Variants in CPSF1 observed in about 807,000 individuals in gnomAD.
CPSF1 encodes cleavage and polyadenylation specificity factor subunit 1.
Under a neutral mutation model 175.8 loss-of-function variants are expected in CPSF1, and 106 were observed. The observed-to-expected ratio is 0.60, with a 90% CI of 0.52 to 0.71. CPSF1 has a LOEUF of 0.71. CPSF1 is among the 30% of genes least tolerant of loss of function. CPSF1 has a pLI of 0.00. For synonymous variants in CPSF1, 1,024 were observed against 858.3 expected (o/e 1.19, Z -3.37); for missense variants, 1,734 against 2,022.9 (o/e 0.86, Z 2.74).
chr8:144,400,510 G>A lies in CPSF1; in HGVS notation c.687-17C>T, dbSNP rs2116875823. The A allele has an allele frequency of 1.2e-6, 2 of 1,611,828 alleles. No individual in the cohort carries two copies. Among genetic ancestry groups the A allele is most frequent in the South Asian group, 1.1e-5 (1 of 91,064 alleles). On this transcript the variant is annotated splice_polypyrimidine_tract_variant and intron_variant, in intron 7 of 37. Transcript: ENST00000616140. ...GCCACGCGCCTGGGGACGCCAGTGG[G>A]TCAGCCAAGGGCCTTGCCTCCCCGC...
Position 144,398,014 on chromosome 8 carries a change from C to T in CPSF1, c.2013G>A (p.Lys671=). 2 of 1,612,232 alleles carry T rather than the reference C, an allele frequency of 1.2e-6. No individual in the cohort carries two copies. The highest frequency in any genetic ancestry group is 1.7e-6 in the Non-Finnish European group (2 of 1,179,738). Reference sequence around the variant, plus strand: ...GGTGGCGGCCACCGTAGGAGTCACTCTTCAGCAGGAACATGGTGACGTGGC... The same window carrying T: ...GGTGGCGGCCACCGTAGGAGTCACTTTTCAGCAGGAACATGGTGACGTGGC... ...AEGHVTMFLL[K]SDSYGGRHHR... The change falls in exon 20 of 38, where the codon AAG becomes AAA. Residue 671 remains lysine (K), a synonymous_variant. Coordinates refer to ENST00000616140, the MANE Select transcript of CPSF1 (RefSeq NM_013291.3).
chr8:144,395,192 C>A lies in CPSF1; in HGVS notation c.3188-10G>T. 1 of 1,612,742 alleles carries A rather than the reference C, an allele frequency of 6.2e-7. No homozygotes were observed. On this transcript the variant is annotated splice_polypyrimidine_tract_variant and intron_variant, in intron 28 of 37. Transcript: ENST00000616140. Reference sequence around the variant, plus strand: ...TGGATGTACCGCTCATCTGTGGGGACCAAGGGTGACAGTCAGAGTAGGGCT... The same window carrying A: ...TGGATGTACCGCTCATCTGTGGGGAACAAGGGTGACAGTCAGAGTAGGGCT...
Position 144,393,984 on chromosome 8 carries a change from C to G in CPSF1, c.3914G>C (p.Gly1305Ala). Residue 1305 changes from glycine (G) to alanine (A), a missense_variant, in exon 35 of 38, where the codon GGT (glycine) becomes GCT (alanine). By Grantham distance (60) the Gly-to-Ala change is moderately conservative (BLOSUM62 0). Transcript: ENST00000616140. The stretch of plus-strand genomic sequence containing the variant: ...CCTCCAGAACGTGTTCACGTGGGCA[C>G]CCACGTGGAAGTCTGCCCGACGCAG... ...RLLRRADFHV[G>A]AHVNTFWRTP... 1 of 1,613,542 alleles carries G rather than the reference C, an allele frequency of 6.2e-7. No homozygotes were observed. The highest frequency in any genetic ancestry group is 1.3e-5 in the African/African-American group (1 of 75,058).
In CPSF1 at chr8:144,396,490, C is replaced by G; in HGVS notation, c.2837G>C (p.Cys946Ser). ...CAAGAGCCAGTGAGGGGAGGGGCCG[C>G]AGATGAAGACCTGGGGGCAGGCACC... Reference protein sequence around the residue: ...DIYGYSGVFICGPSPHWLLVT... With the variant: ...DIYGYSGVFISGPSPHWLLVT... Residue 946 changes from cysteine to serine, a missense_variant, in exon 26 of 38, where the codon TGC (cysteine) becomes TCC (serine). This residue lies in a region of CPSF1 where 585 missense variants were observed against 584.7 expected (regional missense o/e 1.00). Transcript: ENST00000616140. 6.2e-7 allele frequency: 1 copy of G among 1,610,560 alleles called. No individual in the cohort carries two copies.
In CPSF1 at chr8:144,393,789, C is replaced by T; in HGVS notation, c.4023G>A (p.Leu1341=). 6.3e-7 allele frequency: 1 copy of T among 1,599,228 alleles called. No individual in the cohort carries two copies. Among genetic ancestry groups the T allele is most frequent in the South Asian group, 1.1e-5 (1 of 90,134 alleles). The change falls in exon 36 of 38, where the codon CTG becomes CTA. Residue 1341 remains leucine (L), a synonymous_variant. Transcript: ENST00000616140. ...ENKHITWFAT[L]DGGIGLLLPM... Reference sequence around the variant, plus strand: ...GCAGCAGCAGCCCGATGCCGCCGTCCAGGGTGGCTGGCAGGGGTAGGGTGA... The same window carrying T: ...GCAGCAGCAGCCCGATGCCGCCGTCTAGGGTGGCTGGCAGGGGTAGGGTGA...
At position 144,399,313 on chromosome 8, in the gene CPSF1, G is replaced by A; in HGVS notation, c.1355C>T (p.Ala452Val). Residue 452 changes from alanine to valine, a missense_variant, in exon 14 of 38, where the codon GCC becomes GTC. Around this residue, in one of 10 missense-constraint regions of CPSF1, gnomAD observed 280 missense variants for 349.2 expected, o/e 0.80. Transcript: ENST00000616140. This position sits in a 1 kb window ranked among gnomAD's most constrained non-coding sequence, Gnocchi z 6.4. ...VDEIEVYGSE[A>V]QSGTQLATYS... ...GGTGGCCAGCTGTGTTCCCGACTGG[G>A]CCTCGCTGCCGTACACTTCAATCTC... The A allele has an allele frequency of 2.5e-6, 4 of 1,612,304 alleles. No individual in the cohort carries two copies. Among genetic ancestry groups the A allele is most frequent in the Non-Finnish European group, 3.4e-6 (4 of 1,179,984 alleles).
At position 144,393,563 on chromosome 8, in the gene CPSF1, G is replaced by A; in HGVS notation, c.4173C>T (p.Leu1391=). ...FRMLHVDRRT[L]QNAVRNVLDG... ...CCAGCACGTTGCGCACGGCATTCTG[G>A]AGGGTGCGGCGGTCCACGTGCAGCA... The change falls in exon 37 of 38, where the codon CTC becomes CTT. Residue 1391 remains leucine, a synonymous_variant. Transcript: ENST00000616140. 6.2e-7 allele frequency: 1 copy of A among 1,605,416 alleles called. No homozygotes were observed. Among genetic ancestry groups the A allele is most frequent in the Non-Finnish European group, 8.5e-7 (1 of 1,177,794 alleles).
chr8:144,393,254 G>GTGTT lies in CPSF1; in HGVS notation c.*60_*63dup, dbSNP rs1554861863. On this transcript the variant is annotated 3_prime_UTR_variant, in exon 38 of 38. Transcript: ENST00000616140. ...TCTCAAGCAAAAAATGTTTTTCCTT[G>GTGTT]TGTTTTGTACAAAAAGGGGGTGGGA... 2.8e-6 allele frequency: 4 copies of GTGTT among 1,432,500 alleles called. No individual in the cohort carries two copies. The highest frequency in any genetic ancestry group is 5.0e-5 in the East Asian group (2 of 39,918). 88.7% of individuals were successfully genotyped at this position (1,432,500 alleles called of 1,614,324 possible). A position where few individuals can be genotyped will look rare whatever the true frequency, so the allele number is the denominator to read the frequency against.
At chr8:144,400,135 G>GGGGGGGCCCCCCCC in intron 9 of CPSF1, 31 bp downstream of exon 9, 7 of 896,004 alleles carry the variant, frequency 7.8e-6, no homozygotes, top group Non-Finnish European at 1.1e-5. Context: ...CCGTCCCCGG[G>GGGGGGGCCCCCCCC]CCCCCCCCGC....
chr8:144,397,849 G>A lies in CPSF1; in HGVS notation c.2104C>T (p.Arg702Ter), dbSNP rs782146951. 9.3e-6 allele frequency: 15 copies of A among 1,611,104 alleles called. No individual in the cohort carries two copies. Among genetic ancestry groups the A allele is most frequent in the South Asian group, 1.1e-5 (1 of 91,078 alleles). Residue 702 changes from arginine to a stop codon, truncating the protein, a stop_gained, in exon 21 of 38, where the codon CGA (arginine) becomes TGA (stop). Transcript: ENST00000616140. LOFTEE classifies it high-confidence loss of function. Reference protein sequence around the residue: ...QSKVITLCLYRDLSGMFTTES... With the variant: ...QSKVITLCLY Reference sequence around the variant, plus strand: ...GTGGTGAACATGCCGCTGAGGTCTCGGTACAGGCACAGCGTAATCACCTTG... The same window carrying A: ...GTGGTGAACATGCCGCTGAGGTCTCAGTACAGGCACAGCGTAATCACCTTG...
chr8:144,393,774 C>G lies in CPSF1; in HGVS notation c.4038G>C (p.Gly1346=), dbSNP rs1554862350. The change falls in exon 36 of 38, where the codon GGG becomes GGC. Residue 1346 remains glycine (G), a synonymous_variant. Coordinates refer to ENST00000616140, the MANE Select transcript of CPSF1 (RefSeq NM_013291.3). ...TCTTCTCCTGCATGGGCAGCAGCAG[C>G]CCGATGCCGCCGTCCAGGGTGGCTG... is the stretch of plus-strand genomic sequence containing the variant. ...TWFATLDGGI[G]LLLPMQEKTY... 1 of 1,595,874 alleles carries G rather than the reference C, an allele frequency of 6.3e-7. No individual in the cohort carries two copies. The highest frequency in any genetic ancestry group is 1.1e-5 in the South Asian group (1 of 89,646).
Position 144,393,976 on chromosome 8 carries a change from C to T in CPSF1, c.3922G>A (p.Val1308Met), listed in dbSNP as rs373395558. The T allele has an allele frequency of 1.7e-5, 28 of 1,613,484 alleles. No individual in the cohort carries two copies. Among genetic ancestry groups the T allele is most frequent in the South Asian group, 3.3e-5 (3 of 91,076 alleles). ...RRADFHVGAH[V>M]NTFWRTPCRG... The stretch of plus-strand genomic sequence containing the variant: ...CACGGGGTCCTCCAGAACGTGTTCA[C>T]GTGGGCACCCACGTGGAAGTCTGCC... Residue 1308 changes from valine to methionine, a missense_variant, in exon 35 of 38, where the codon GTG becomes ATG. By Grantham distance (21) the Val-to-Met change is conservative. Around this residue, in one of 10 missense-constraint regions of CPSF1, gnomAD observed 323 missense variants for 338.5 expected, o/e 0.95. Transcript: ENST00000616140.
At position 144,395,251 on chromosome 8, in the gene CPSF1, G is replaced by A. The variant is rs782377348; in HGVS notation, c.3187+14C>T. ...ATGCGGCTGAGGATGGGAGTATGGT[G>A]TGGGCGTCACCACCTCTCTCGATGG... On this transcript the variant is annotated intron_variant, in intron 28 of 37. Transcript: ENST00000616140. 6.2e-7 allele frequency: 1 copy of A among 1,613,120 alleles called. No individual in the cohort carries two copies. Among genetic ancestry groups the A allele is most frequent in the Non-Finnish European group, 8.5e-7 (1 of 1,179,852 alleles).
intron 2 of CPSF1, 142 bp downstream of exon 2, chr8:144,408,873 G>A (rs1282542944): frequency 2.1e-6 from 2 of 965,440 alleles, no homozygotes; most frequent in Non-Finnish European, 3.0e-6. Flanking sequence ...AGAGATTCAG[G>A]GTCATGTCCT....
rs1465861115 is a variant in CPSF1, at chr8:144,394,151, CGGTCAGACACTGGGGAGCAGAGGCCCAG to C, written c.3812-19_3820del. 1.9e-6 allele frequency: 3 copies of C among 1,612,708 alleles called. No individual in the cohort carries two copies. In the African/African-American group the frequency reaches 4.0e-5, roughly 22 times the overall value. ...CATGTACACCATGAGGTTGCGGTCG[CGGTCAGACACTGGGGAGCAGAGGCCCAG>C]GGTCAGCCCCGGCCACCCCCAGAGC... On this transcript the variant is annotated splice_acceptor_variant and splice_polypyrimidine_tract_variant and coding_sequence_variant and intron_variant, in exon 34 of 38. Coordinates refer to ENST00000616140, the MANE Select transcript of CPSF1 (RefSeq NM_013291.3). LOFTEE classifies it high-confidence loss of function.
In CPSF1 at chr8:144,398,571, CCGT is replaced by C. The variant is rs2116852463; in HGVS notation, c.1703_1705del (p.Asp568del). On this transcript the variant is annotated inframe_deletion, in exon 18 of 38. Coordinates refer to ENST00000616140, the MANE Select transcript of CPSF1 (RefSeq NM_013291.3). Reference sequence around the variant, plus strand: ...CAGAATCAGGAATCCGTGTCTGCGGCCGTCGTCGTCTGCTTCAGGGGTGGTGCT... The same window carrying C: ...CAGAATCAGGAATCCGTGTCTGCGGCCGTCGTCTGCTTCAGGGGTGGTGCT... The C allele has an allele frequency of 1.2e-5, 19 of 1,613,956 alleles. No individual in the cohort carries two copies. Among genetic ancestry groups the C allele is most frequent in the Non-Finnish European group, 1.6e-5 (19 of 1,179,972 alleles).
At chr8:144,401,731 C>T (rs1035153179) in intron 2 of CPSF1, 58 bp from the exon 3 acceptor site, 24 of 1,540,220 alleles carry the variant, frequency 1.6e-5, no homozygotes, top group African/African-American at 6.8e-5. Flanking sequence ...TCACCTCATC[C>T]GGGGAACGAG....
intron 2 of CPSF1, among the ~76,000 whole-genome samples, chr8:144,405,435 C>G (rs1186094148): frequency 6.6e-6 from 1 of 152,138 alleles, no homozygotes; most frequent in East Asian, 1.9e-4. Flanking sequence ...CCAGCCTGGC[C>G]AACATGGTGA....
intron 2 of CPSF1, among the ~76,000 whole-genome samples, chr8:144,407,523 A>T (rs988895711): frequency 6.6e-6 from 1 of 152,058 alleles, no homozygotes; most frequent in Non-Finnish European, 1.5e-5. Context: ...CTCTATTAAA[A>T]ATACAAAAAA....
Sources: allele counts gnomAD v4.1 joint callset (sites outside exome capture counted in the v4.1 genomes callset), GRCh38; gene constraint gnomAD v4.1.1; regional missense constraint gnomAD v4.1.1; non-coding constraint Gnocchi (gnomAD v3.1); transcripts MANE v1.5; gene names NCBI Gene and HGNC (gene_info 2026-07-23, HGNC 2026-07-21).